DOCK9: variants seen among roughly 807,000 people sequenced by gnomAD.
DOCK9 encodes dedicator of cytokinesis protein 9.
Under a neutral mutation model 263.3 loss-of-function variants are expected in DOCK9, and 89 were observed. The observed-to-expected ratio is 0.34, with a 90% CI of 0.28 to 0.40. The LOEUF (loss-of-function observed/expected upper bound fraction) is 0.40. DOCK9 is among the 10% of genes least tolerant of loss of function. The probability of loss-of-function intolerance (pLI) is 1.00; values close to 1 mark genes in which losing one functional copy is unlikely to be tolerated. For missense variants in DOCK9, 2,140 were observed against 2,603.4 expected, an observed-to-expected ratio of 0.82 and a Z score of 3.87; for synonymous variants, 976 against 973.1, an observed-to-expected ratio of 1.00 and a Z score of -0.06.
chr13:98,904,574 T>G, intron 10 of DOCK9, 58 bp downstream of exon 10: 1 of 1,226,314 alleles, frequency 8.2e-7, no homozygotes, highest in Non-Finnish European at 1.1e-6. Context: ...AATAAGCCCA[T>G]CGATGATTTT....
At chr13:98,827,438 T>C (rs919754888) in intron 43 of DOCK9, among the ~76,000 whole-genome samples, 3 of 152,230 alleles carry the variant, frequency 2.0e-5, no homozygotes, top group Admixed American at 1.3e-4. Context: ...TTTCACCAAA[T>C]TGCCATGGTG....
chr13:99,030,437 G>A (rs1363075862), intron 1 of DOCK9, among the ~76,000 whole-genome samples: 2 of 152,178 alleles, frequency 1.3e-5, no homozygotes, highest in Non-Finnish European at 2.9e-5. Context: ...TAAAGAACAG[G>A]TTTCAAATGC....
At chr13:99,081,864 C>A (rs376498452) in intron 1 of DOCK9, among the ~76,000 whole-genome samples, 1 of 152,142 alleles carries the variant, frequency 6.6e-6, no homozygotes, top group East Asian at 1.9e-4. Context: ...TGTGAGGATT[C>A]TTCCTTCATT....
chr13:98,941,687 T>C (rs770352132), intron 2 of DOCK9, among the ~76,000 whole-genome samples: 7 of 152,136 alleles, frequency 4.6e-5, no homozygotes, highest in Non-Finnish European at 8.8e-5. Context: ...CTTGTGGTCA[T>C]TTGGGGCCCA....
chr13:99,051,828 C>T (rs1272386743), intron 1 of DOCK9, among the ~76,000 whole-genome samples: 1 of 117,906 alleles, frequency 8.5e-6, no homozygotes, highest in East Asian at 2.7e-4. Context: ...TTCCAGTTTG[C>T]AGCTAAAGAA....
chr13:98,938,418 C>T (rs1459986836), intron 2 of DOCK9, among the ~76,000 whole-genome samples: 2 of 152,148 alleles, frequency 1.3e-5, no homozygotes, highest in Non-Finnish European at 2.9e-5. Context: ...TTAAAAATCC[C>T]ACAGTTCTGT....
intron 2 of DOCK9, among the ~76,000 whole-genome samples, chr13:98,943,530 T>TGTGTTCGTTTTTGC (rs1217601006): frequency 6.6e-6 from 1 of 150,770 alleles, no homozygotes; most frequent in African/African-American, 2.5e-5. Flanking sequence ...TTCGTTTGTG[T>TGTGTTCGTTTTTGC]GTGTTCGTTT....
rs187897704 is a variant in DOCK9 at position 98,975,371 on chromosome 13, A to C, written c.126+2413T>G. ...AGTAAGACTTTGTCTCAAAAAAAAAAAAAGGCATAAATCCACATATGGTGA... is the reference window on the plus strand; with the variant it reads ...AGTAAGACTTTGTCTCAAAAAAAAACAAAGGCATAAATCCACATATGGTGA... On this transcript the variant is annotated intron_variant, in intron 1 of 52. Coordinates refer to ENST00000682017, the MANE Select transcript of DOCK9 (RefSeq NM_001366683.2). Among the ~76,000 whole-genome samples the C allele has an allele frequency of 5.7e-4, 87 of 152,148 alleles. 2 individuals are homozygous for C. In the Middle Eastern group the frequency reaches 0.014, roughly 24 times the overall value.
At chr13:98,998,047 G>T (rs1484550355) in intron 1 of DOCK9, among the ~76,000 whole-genome samples, 1 of 152,220 alleles carries the variant, frequency 6.6e-6, no homozygotes, top group Admixed American at 6.5e-5. Flanking sequence ...GTGATGGTGA[G>T]GGTGTCATGC....
intron 38 of DOCK9, among the ~76,000 whole-genome samples, chr13:98,839,302 G>T (rs140678571): frequency 6.6e-6 from 1 of 152,218 alleles, no homozygotes; most frequent in Non-Finnish European, 1.5e-5. Flanking sequence ...AGGTGGATAT[G>T]TTGGGGTACT....
chr13:98,965,290 A>G (rs2059081707), intron 1 of DOCK9, among the ~76,000 whole-genome samples: 2 of 152,172 alleles, frequency 1.3e-5, no homozygotes, highest in South Asian at 4.1e-4. Context: ...CATTACAACT[A>G]GTAGATGGTG....
intron 2 of DOCK9, among the ~76,000 whole-genome samples, chr13:98,945,501 TC>T (rs2056586626): frequency 6.6e-6 from 1 of 152,126 alleles, no homozygotes; most frequent in Non-Finnish European, 1.5e-5. Flanking sequence ...TCTAGTGTCT[TC>T]TTTTCCCAGT....
rs576026885 is a variant in DOCK9, at chr13:98,998,386, T to C, written c.130-42835A>G. ...TTATTTGTCTAGGCATAGAGACAAA[T>C]GGGAAACACCTGGCACCAATTATGT... is the stretch of plus-strand genomic sequence containing the variant. On this transcript the variant is annotated intron_variant, in intron 1 of 32. Coordinates refer to the DOCK9 transcript ENST00000427887. Among the ~76,000 whole-genome samples, 7 of 152,298 alleles carry C rather than the reference T, an allele frequency of 4.6e-5. No individual in the cohort carries two copies. In the East Asian group the frequency reaches 1.4e-3, roughly 29 times the overall value.
At chr13:98,821,923 G>T (rs1029237415) in intron 45 of DOCK9, among the ~76,000 whole-genome samples, 3 of 152,290 alleles carry the variant, frequency 2.0e-5, no homozygotes, top group African/African-American at 7.2e-5. Context: ...TCTCCCACCA[G>T]ATTTTCCCCA....
chr13:99,075,154 T>C (rs535799169), intron 1 of DOCK9, among the ~76,000 whole-genome samples: 1 of 152,242 alleles, frequency 6.6e-6, no homozygotes, highest in Admixed American at 6.5e-5. Context: ...AATGATAAAA[T>C]AGACTAGTAT....
chr13:98,801,507 T>C (rs1369092024), intron 49 of DOCK9, among the ~76,000 whole-genome samples: 2 of 152,192 alleles, frequency 1.3e-5, no homozygotes, highest in Non-Finnish European at 2.9e-5. Flanking sequence ...AATATTGTTT[T>C]CCTTTATCAT....
intron 1 of DOCK9, among the ~76,000 whole-genome samples, chr13:99,045,295 G>A (rs1392555398): frequency 6.6e-6 from 1 of 151,874 alleles, no homozygotes; most frequent in African/African-American, 2.4e-5. Flanking sequence ...ATAAAATATG[G>A]TGTATACCGT....
intron 1 of DOCK9, among the ~76,000 whole-genome samples, chr13:98,969,502 T>C (rs1447060079): frequency 6.6e-6 from 1 of 150,840 alleles, no homozygotes. Context: ...AGACATCGAA[T>C]ACAAAGAAAA....
At chr13:99,071,726 T>C (rs567308221) in intron 1 of DOCK9, among the ~76,000 whole-genome samples, 86 of 152,260 alleles carry the variant, frequency 5.6e-4, no homozygotes, top group African/African-American at 1.9e-3. Context: ...TTTTTTAATT[T>C]CTCTAAAAAT....
Sources: allele counts gnomAD v4.1 joint callset (sites outside exome capture counted in the v4.1 genomes callset), GRCh38; gene constraint gnomAD v4.1.1; transcripts MANE v1.5; gene names NCBI Gene and HGNC (gene_info 2026-07-23, HGNC 2026-07-21).